Variants in CTNNA3 observed in about 807,000 individuals in gnomAD.
CTNNA3 encodes catenin alpha 3, also known as catenin alpha-3.
A neutral mutation model predicts 95.7 loss-of-function variants in CTNNA3; 76 were observed. The observed-to-expected ratio is 0.79, with a 90% confidence interval of 0.66 to 0.96. CTNNA3 has a LOEUF of 0.96. Ranked by LOEUF, CTNNA3 falls within the 40% of genes least tolerant of loss-of-function variation. The probability of loss-of-function intolerance (pLI) is 0.00; values close to 1 mark genes in which losing one functional copy is unlikely to be tolerated. For synonymous variants in CTNNA3, 431 were observed against 374.4 expected, an observed-to-expected ratio of 1.15 and a Z score of -1.74; for missense variants, 1,191 against 1,089.8, an observed-to-expected ratio of 1.09 and a Z score of -1.31.
At chr10:66,963,847 T>A (rs957476793) in intron 7 of CTNNA3, among the ~76,000 whole-genome samples, 4 of 18,168 alleles carry the variant, frequency 2.2e-4, no homozygotes, top group Non-Finnish European at 6.3e-4. Context: ...AGACATCAAT[T>A]TTTTTTTTTT....
At chr10:66,090,415 G>C (rs542673193) in intron 14 of CTNNA3, among the ~76,000 whole-genome samples, 1 of 151,904 alleles carries the variant, frequency 6.6e-6, no homozygotes, top group Non-Finnish European at 1.5e-5. Context: ...TAATGATTAT[G>C]ATGATGACAG....
At chr10:66,988,401 C>T in intron 7 of CTNNA3, among the ~76,000 whole-genome samples, 3 of 152,184 alleles carry the variant, frequency 2.0e-5, no homozygotes, top group Admixed American at 2.0e-4. Flanking sequence ...GATTTTCTAG[C>T]TATTACACAA....
At chr10:67,757,325 G>C (rs892183846) in intron 1 of CTNNA3, among the ~76,000 whole-genome samples, 3 of 152,146 alleles carry the variant, frequency 2.0e-5, no homozygotes, top group Non-Finnish European at 4.4e-5. Context: ...GTATCAACTC[G>C]ACTGGGCTAA....
At chr10:67,666,280 G>GTAAC (rs1840329634) in intron 1 of CTNNA3, among the ~76,000 whole-genome samples, 1 of 152,078 alleles carries the variant, frequency 6.6e-6, no homozygotes, top group Non-Finnish European at 1.5e-5. Context: ...ACTAATGAAG[G>GTAAC]TAATTTAAAT....
At chr10:66,810,683 T>C (rs1182096485) in intron 7 of CTNNA3, among the ~76,000 whole-genome samples, 2 of 152,170 alleles carry the variant, frequency 1.3e-5, no homozygotes, top group African/African-American at 4.8e-5. Context: ...GTAAGATCTG[T>C]GTAACCAATG....
chr10:66,847,505 G>A (rs1820194486), intron 7 of CTNNA3, among the ~76,000 whole-genome samples: 1 of 152,128 alleles, frequency 6.6e-6, no homozygotes, highest in Admixed American at 6.6e-5. Flanking sequence ...TTGAATGGTA[G>A]TTTTGTTGTT....
intron 1 of CTNNA3, among the ~76,000 whole-genome samples, chr10:67,754,505 T>C (rs530455880): frequency 6.6e-5 from 10 of 152,118 alleles, no homozygotes; most frequent in African/African-American, 2.2e-4. Context: ...TAGACCCCTA[T>C]CTCTCACCAT....
intron 7 of CTNNA3, among the ~76,000 whole-genome samples, chr10:67,044,297 A>T (rs1854591767): frequency 6.6e-6 from 1 of 152,180 alleles, no homozygotes; most frequent in African/African-American, 2.4e-5. Context: ...ATTATTTAAC[A>T]ATTTAACGAG....
At chr10:66,896,999 C>T (rs1213096253) in intron 7 of CTNNA3, among the ~76,000 whole-genome samples, 1 of 152,160 alleles carries the variant, frequency 6.6e-6, no homozygotes, top group African/African-American at 2.4e-5. Context: ...CTGACAGAAG[C>T]TGTGGTGTAT....
At chr10:67,554,828 G>C (rs943684956) in intron 3 of CTNNA3, among the ~76,000 whole-genome samples, 5 of 152,030 alleles carry the variant, frequency 3.3e-5, no homozygotes, top group South Asian at 4.1e-4. Context: ...AAGTCCTTGC[G>C]CATGCCTATG....
In CTNNA3 at chr10:67,411,353, G is replaced by A. The variant is rs193105594; in HGVS notation, c.579+110489C>T. On this transcript the variant is annotated intron_variant, in intron 5 of 17. Transcript: ENST00000433211. ...TGTCAAGTAAAAATTTTTAAAGGCC[G>A]AATTTACTCAAAGGTTAATTTAATA... is the stretch of plus-strand genomic sequence containing the variant. 1.8e-3 allele frequency among the ~76,000 whole-genome samples: 274 copies of A among 152,138 alleles called. 5 individuals carry two copies. Among genetic ancestry groups the A allele is most frequent in the South Asian group, 4.1e-4 (2 of 4,826 alleles).
At chr10:66,455,372 A>G (rs2093489037) in intron 11 of CTNNA3, among the ~76,000 whole-genome samples, 1 of 152,180 alleles carries the variant, frequency 6.6e-6, no homozygotes, top group Non-Finnish European at 1.5e-5. Context: ...GAAATCCACA[A>G]AAGACTCGTC....
At chr10:66,985,704 C>T (rs1248027762) in intron 7 of CTNNA3, among the ~76,000 whole-genome samples, 1 of 152,010 alleles carries the variant, frequency 6.6e-6, no homozygotes, top group East Asian at 1.9e-4. Context: ...CACTTCCTAC[C>T]ACATTCTTTC....
At chr10:67,106,420 T>C (rs1348002028) in intron 7 of CTNNA3, among the ~76,000 whole-genome samples, 1 of 152,224 alleles carries the variant, frequency 6.6e-6, no homozygotes, top group Non-Finnish European at 1.5e-5. Context: ...GTTCTGTAAT[T>C]ACCAAAAAGA....
chr10:66,843,474 T>G (rs180848865), intron 7 of CTNNA3, among the ~76,000 whole-genome samples: 3 of 152,166 alleles, frequency 2.0e-5, no homozygotes, highest in Admixed American at 2.0e-4. Flanking sequence ...GAATCATCAC[T>G]CAAACAGATG....
chr10:66,454,107 C>T lies in CTNNA3; in HGVS notation c.1531+66510G>A, dbSNP rs553779564. On this transcript the variant is annotated intron_variant, in intron 11 of 17. Transcript: ENST00000433211. ...TGGTTTGGATGATGGAGGAAAGAGG[C>T]CAAGAGCCAAGGAGCACACAAAAGT... is the stretch of plus-strand genomic sequence containing the variant. Among the ~76,000 whole-genome samples the T allele has an allele frequency of 7.2e-5, 11 of 152,182 alleles. No homozygotes were observed. In the South Asian group the frequency reaches 2.1e-3, roughly 29 times the overall value.
In CTNNA3 at chr10:67,003,597, C is replaced by T. The variant is rs200960358; in HGVS notation, c.1047+176720G>A. 1.3e-3 allele frequency among the ~76,000 whole-genome samples: 199 copies of T among 152,280 alleles called. 1 individual carries two copies. Among genetic ancestry groups the T allele is most frequent in the East Asian group, 2.7e-3 (14 of 5,182 alleles). ...AAATATTTTATCTACATTTAACTCACGCAATTGCAAAACTTACTTAACCAT... is the reference window on the plus strand; with the variant it reads ...AAATATTTTATCTACATTTAACTCATGCAATTGCAAAACTTACTTAACCAT... On this transcript the variant is annotated intron_variant, in intron 7 of 17. Transcript: ENST00000433211.
rs543943184 is a variant in CTNNA3 at position 66,090,639 on chromosome 10, C to G, written c.1977+12518G>C. Among the ~76,000 whole-genome samples, 9 of 152,052 alleles carry G rather than the reference C, an allele frequency of 5.9e-5. No individual in the cohort carries two copies. The South Asian group carries it at 1.9e-3, about 31-fold the overall frequency. ...AAATTGTGCTCTCCTTTAAAATGGT[C>G]TTAGCATCAGAAACGAAGAGACATG... On this transcript the variant is annotated intron_variant, in intron 14 of 17. Coordinates refer to ENST00000433211, the MANE Select transcript of CTNNA3 (RefSeq NM_013266.4).
At chr10:67,152,515 TAAA>T (rs1172692171) in intron 7 of CTNNA3, among the ~76,000 whole-genome samples, 1 of 152,144 alleles carries the variant, frequency 6.6e-6, no homozygotes, top group Non-Finnish European at 1.5e-5. Context: ...GAAATGCATA[TAAA>T]GATGGTGACT....
Sources: allele counts gnomAD v4.1 joint callset (sites outside exome capture counted in the v4.1 genomes callset), GRCh38; gene constraint gnomAD v4.1.1; transcripts MANE v1.5; gene names NCBI Gene and HGNC (gene_info 2026-07-23, HGNC 2026-07-21).